Variants in SLC25A21 observed in about 807,000 individuals in gnomAD.
The protein encoded by SLC25A21 is solute carrier family 25 member 21.
In SLC25A21, 47 loss-of-function variants were observed where a neutral mutation model predicts 43.8. The observed-to-expected ratio is 1.07, with a 90% confidence interval of 0.85 to 1.37. The LOEUF is 1.37. Ranked by LOEUF, SLC25A21 falls within the 40% of genes most tolerant of loss-of-function variation. SLC25A21 has a pLI of 0.00. For synonymous variants in SLC25A21, 131 were observed against 121.3 expected, an observed-to-expected ratio of 1.08 and a Z score of -0.52; for missense variants, 352 against 350.2, an observed-to-expected ratio of 1.00 and a Z score of -0.04.
rs1181468715 is a variant in SLC25A21 at position 37,046,164 on chromosome 14, A to G, written c.70+126117T>C. ...GAACAGCCAGAACTCCAAGGCAGGC[A>G]ATCTGCCTCAAGGGTTCTTGCTCTT... is the stretch of plus-strand genomic sequence containing the variant. On this transcript the variant is annotated intron_variant, in intron 1 of 9. Coordinates refer to ENST00000331299, the MANE Select transcript of SLC25A21 (RefSeq NM_030631.4). Among the ~76,000 whole-genome samples, 4 of 152,248 alleles carry G rather than the reference A, an allele frequency of 2.6e-5. No individual in the cohort carries two copies. In the East Asian group the frequency reaches 7.7e-4, roughly 29 times the overall value.
chr14:36,689,080 AG>A (rs1882680950), intron 7 of SLC25A21, among the ~76,000 whole-genome samples: 1 of 152,234 alleles, frequency 6.6e-6, no homozygotes, highest in African/African-American at 2.4e-5. Flanking sequence ...TACAAAAGAA[AG>A]AGGTTTAACT....
intron 1 of SLC25A21, among the ~76,000 whole-genome samples, chr14:37,108,893 CCT>C (rs1285561250): frequency 1.3e-5 from 2 of 151,748 alleles, no homozygotes; most frequent in African/African-American, 2.4e-5. Context: ...TTTTCTGTTC[CCT>C]GATTTCCATC....
chr14:37,103,773 A>G (rs1962861035), intron 1 of SLC25A21, among the ~76,000 whole-genome samples: 1 of 152,214 alleles, frequency 6.6e-6, no homozygotes, highest in South Asian at 2.1e-4. Flanking sequence ...ATCATGGCAC[A>G]CAACAGACAG....
intron 7 of SLC25A21, 44 bp from the exon 8 acceptor site, chr14:36,684,969 C>A: frequency 6.5e-7 from 1 of 1,531,796 alleles, no homozygotes; most frequent in Non-Finnish European, 8.9e-7. Flanking sequence ...GGAGCGGAAG[C>A]CCCTAAATCA....
Position 36,679,091 on chromosome 14 carries a change from C to G in SLC25A21, c.*1567G>C. 1 of 985,440 alleles carries G rather than the reference C, an allele frequency of 1.0e-6. No homozygotes were observed. The highest frequency in any genetic ancestry group is 4.7e-5 in the South Asian group (1 of 21,284). The allele number at this position is 985,440 out of a possible 1,614,324, so 61.0% of individuals were successfully genotyped here. A position where few individuals can be genotyped will look rare whatever the true frequency, so the allele number is the denominator to read the frequency against. ...AGAGGTTAAAGGTTCAATTTCATGA[C>G]CTCTATGCAGGCAGCGCTCTCATTG... On this transcript the variant is annotated 3_prime_UTR_variant, in exon 10 of 10. Coordinates refer to ENST00000331299, the MANE Select transcript of SLC25A21 (RefSeq NM_030631.4).
At chr14:37,030,674 T>A (rs1961192289) in intron 1 of SLC25A21, among the ~76,000 whole-genome samples, 1 of 152,174 alleles carries the variant, frequency 6.6e-6, no homozygotes, top group African/African-American at 2.4e-5. Context: ...TTTTTTGGTG[T>A]AAAAGGTTAT....
chr14:36,737,492 T>G (rs982126751), intron 3 of SLC25A21, among the ~76,000 whole-genome samples: 3 of 152,114 alleles, frequency 2.0e-5, no homozygotes, highest in Admixed American at 2.0e-4. Context: ...AAATTGAGAA[T>G]GAGCAATTTT....
At chr14:36,898,973 T>C (rs978716015) in intron 1 of SLC25A21, among the ~76,000 whole-genome samples, 1 of 152,244 alleles carries the variant, frequency 6.6e-6, no homozygotes, top group Non-Finnish European at 1.5e-5. Flanking sequence ...GAGTAATGTA[T>C]GTGTCAATTG....
At chr14:36,900,289 C>G (rs1891362815) in intron 1 of SLC25A21, among the ~76,000 whole-genome samples, 1 of 152,058 alleles carries the variant, frequency 6.6e-6, no homozygotes, top group Admixed American at 6.6e-5. Context: ...ATGTGAATCC[C>G]TGGCCAATTG....
At chr14:36,916,816 T>C (rs1473732969) in intron 1 of SLC25A21, among the ~76,000 whole-genome samples, 1 of 152,124 alleles carries the variant, frequency 6.6e-6, no homozygotes, top group Non-Finnish European at 1.5e-5. Context: ...GGACGTTATA[T>C]GGGCACCTGG....
At chr14:36,814,105 A>G in intron 2 of SLC25A21, 104 bp from the exon 3 acceptor site, 1 of 703,904 alleles carries the variant, frequency 1.4e-6, no homozygotes, top group Non-Finnish European at 2.4e-6. Context: ...TTAATCTAGA[A>G]TATTCTGCTT....
At chr14:37,054,387 T>C (rs1370234546) in intron 1 of SLC25A21, among the ~76,000 whole-genome samples, 5 of 152,218 alleles carry the variant, frequency 3.3e-5, no homozygotes, top group South Asian at 2.1e-4. Flanking sequence ...TATACAATCA[T>C]GTGATATAAA....
chr14:36,982,181 A>T (rs1960042857), intron 1 of SLC25A21, among the ~76,000 whole-genome samples: 1 of 152,228 alleles, frequency 6.6e-6, no homozygotes, highest in African/African-American at 2.4e-5. Context: ...TTCAGAATAG[A>T]ATCAAACTAT....
At position 36,678,744 on chromosome 14, in the gene SLC25A21, A is replaced by T. The variant is rs1185998348; in HGVS notation, c.*1914T>A. On this transcript the variant is annotated 3_prime_UTR_variant, in exon 10 of 10. Coordinates refer to ENST00000331299, the MANE Select transcript of SLC25A21 (RefSeq NM_030631.4). ...ATCTCTTGTTATTGTGCTATTTATA[A>T]TTTTTTTCTGGTTCTTGTATTTTAA... The T allele has an allele frequency of 3.5e-6, 4 of 1,147,512 alleles. No homozygotes were observed. Among genetic ancestry groups the T allele is most frequent in the Non-Finnish European group, 4.3e-6 (4 of 929,142 alleles). 71.1% of individuals were successfully genotyped at this position (1,147,512 alleles called of 1,614,324 possible). A position where few individuals can be genotyped will look rare whatever the true frequency, so the allele number is the denominator to read the frequency against.
At chr14:36,756,159 G>A (rs963146653) in intron 3 of SLC25A21, among the ~76,000 whole-genome samples, 2 of 152,170 alleles carry the variant, frequency 1.3e-5, no homozygotes, top group Admixed American at 1.3e-4. Context: ...AAGTAAAAGT[G>A]GGTGTGTCCA....
At chr14:36,850,352 A>G (rs1211456930) in intron 2 of SLC25A21, among the ~76,000 whole-genome samples, 1 of 152,180 alleles carries the variant, frequency 6.6e-6, no homozygotes, top group Admixed American at 6.5e-5. Context: ...CTTCCATTTT[A>G]CAGGTTAGAA....
At chr14:36,846,870 G>A (rs1055942040) in intron 2 of SLC25A21, among the ~76,000 whole-genome samples, 1 of 152,152 alleles carries the variant, frequency 6.6e-6, no homozygotes, top group African/African-American at 2.4e-5. Flanking sequence ...GGCAAATAAT[G>A]TACACGGGTC....
intron 1 of SLC25A21, among the ~76,000 whole-genome samples, chr14:36,929,315 A>G (rs1892222290): frequency 6.6e-6 from 1 of 152,186 alleles, no homozygotes; most frequent in African/African-American, 2.4e-5. Flanking sequence ...GTTTCTAACA[A>G]AAAGATAGAA....
At chr14:37,116,520 A>G (rs1963109417) in intron 1 of SLC25A21, among the ~76,000 whole-genome samples, 1 of 152,200 alleles carries the variant, frequency 6.6e-6, no homozygotes. Context: ...ATAAAAAATA[A>G]TAGCTATGTT....
Sources: gnomAD v4.1 joint callset for allele counts (sites outside exome capture counted in the v4.1 genomes callset) on GRCh38, gnomAD v4.1.1 for gene constraint, MANE v1.5 for transcripts, NCBI Gene and HGNC (gene_info 2026-07-23, HGNC 2026-07-21) for gene names.